The following MLF1 variants were observed in gnomAD, a reference collection of about 807,000 sequenced individuals.
The protein encoded by MLF1 is myelodysplasia-myeloid leukemia factor 1.
A neutral mutation model predicts 38.3 loss-of-function variants in MLF1; 37 were observed. The ratio of observed to expected loss-of-function variants is 0.96; its 90% CI spans 0.74 to 1.27. The LOEUF (loss-of-function observed/expected upper bound fraction) is 1.27, where lower values mean the gene tolerates loss of function less well. Ranked by LOEUF, MLF1 falls within the 50% of genes most tolerant of loss-of-function variation. MLF1 has a pLI of 0.00. For synonymous variants in MLF1, 95 were observed against 106.5 expected, an observed-to-expected ratio of 0.89 and a Z score of 0.66; for missense variants, 331 against 349.2, an observed-to-expected ratio of 0.95 and a Z score of 0.42.
rs532788683 is a variant in MLF1 at position 158,589,319 on chromosome 3, C to T, written c.48-3115C>T. 2.2e-3 allele frequency among the ~76,000 whole-genome samples: 328 copies of T among 152,082 alleles called. 1 individual carries two copies. The highest frequency in any genetic ancestry group is 3.3e-3 in the Admixed American group (51 of 15,282). ...CTCCACTTCCCGGGTTTAAGTGATT[C>T]TCCTGCCTCAGCCTCCAGAGTAGCT... On this transcript the variant is annotated intron_variant, in intron 1 of 7. Transcript: ENST00000466246.
At chr3:158,577,991 AT>A (rs1715710681) in intron 1 of MLF1, among the ~76,000 whole-genome samples, 5 of 152,176 alleles carry the variant, frequency 3.3e-5, no homozygotes, top group African/African-American at 4.8e-5. Context: ...TTCTTTAAAT[AT>A]TTCTTCAGTT....
chr3:158,593,367 A>T lies in MLF1; in HGVS notation c.196-15A>T, dbSNP rs748307447. 5.3e-5 allele frequency: 82 copies of T among 1,538,444 alleles called. 1 individual carries two copies. In the Admixed American group the frequency reaches 1.5e-3, roughly 29 times the overall value. On this transcript the variant is annotated splice_polypyrimidine_tract_variant and intron_variant, in intron 2 of 7. Coordinates refer to ENST00000466246, the MANE Select transcript of MLF1 (RefSeq NM_001369783.1). ...TAAATGTCATAATCAAATGAATTGG[A>T]TATTATTTTTCCAGGCAACGAGTTG...
At position 158,605,727 on chromosome 3, in the gene MLF1, G is replaced by A. The variant is rs1320591718; in HGVS notation, c.*525G>A. On this transcript the variant is annotated 3_prime_UTR_variant, in exon 8 of 8. Coordinates refer to ENST00000466246, the MANE Select transcript of MLF1 (RefSeq NM_001369783.1). The stretch of plus-strand genomic sequence containing the variant: ...CAAAACTACACTAGTACTCTTTTAT[G>A]AGAAAATAGTTACTATTTTGATAAA... 1.1e-5 allele frequency: 2 copies of A among 182,418 alleles called. No homozygotes were observed. Among genetic ancestry groups the A allele is most frequent in the Non-Finnish European group, 2.3e-5 (2 of 85,844 alleles). 11.3% of individuals were successfully genotyped at this position (182,418 alleles called of 1,614,324 possible).
In MLF1 at chr3:158,592,586, GTTC is replaced by G; in HGVS notation, c.195+8_195+10del. 6.3e-7 allele frequency: 1 copy of G among 1,585,986 alleles called. No homozygotes were observed. On this transcript the variant is annotated splice_donor_region_variant and intron_variant, in intron 2 of 7. Coordinates refer to ENST00000466246, the MANE Select transcript of MLF1 (RefSeq NM_001369783.1). The stretch of plus-strand genomic sequence containing the variant: ...GATGGTGAAGATTCTTTGACTGTAA[GTTC>G]TTTTTTTTAAGACAGTTAGTGAGAA...
chr3:158,602,617 T>C (rs558331633), intron 6 of MLF1, among the ~76,000 whole-genome samples, 190 bp from the exon 7 acceptor site: 3 of 152,278 alleles, frequency 2.0e-5, no homozygotes, highest in Non-Finnish European at 2.9e-5. Context: ...TCAGTAGGAA[T>C]AGGAGAGGAA....
At chr3:158,600,768 TAC>T (rs1283643964) in intron 6 of MLF1, among the ~76,000 whole-genome samples, 2 of 151,242 alleles carry the variant, frequency 1.3e-5, no homozygotes, top group African/African-American at 4.8e-5. Context: ...TGTTCAGTAG[TAC>T]TTAGGCTTTT....
rs139297822 is a variant in MLF1, at chr3:158,588,683, G to A, written c.48-3751G>A. Among the ~76,000 whole-genome samples, 8 of 151,432 alleles carry A rather than the reference G, an allele frequency of 5.3e-5. No homozygotes were observed. The East Asian group carries it at 1.6e-3, about 29-fold the overall frequency. ...GTTTTGTTGCTTTCATCTAAAGACA[G>A]GAAAATGAACTACAAATCTACAAAA... On this transcript the variant is annotated intron_variant, in intron 1 of 7. Transcript: ENST00000466246.
At position 158,602,871 on chromosome 3, in the gene MLF1, C is replaced by T. The variant is rs762836245; in HGVS notation, c.678C>T (p.His226=). 6.2e-7 allele frequency: 1 copy of T among 1,613,720 alleles called. No homozygotes were observed. The highest frequency in any genetic ancestry group is 1.7e-5 in the Admixed American group (1 of 60,012). ...SEVLKYKPGR[H]NLGNTRMRSV... is the part of the protein sequence containing the mutation. The stretch of plus-strand genomic sequence containing the variant: ...TTTTGAAGTACAAACCAGGACGACA[C>T]AATCTAGGAAACACTAGAATGAGAA... Residue 226 remains histidine (H), a synonymous_variant, in exon 7 of 8, where the codon CAC becomes CAT. Transcript: ENST00000466246.
At chr3:158,580,020 A>G (rs1225883275) in intron 1 of MLF1, among the ~76,000 whole-genome samples, 4 of 152,252 alleles carry the variant, frequency 2.6e-5, no homozygotes, top group Non-Finnish European at 2.9e-5. Context: ...CTGCAAAGGT[A>G]TAACGAATAC....
chr3:158,589,093 C>CT, intron 1 of MLF1, among the ~76,000 whole-genome samples: 1 of 152,168 alleles, frequency 6.6e-6, no homozygotes, highest in South Asian at 2.1e-4. Context: ...TGAGCAGAGC[C>CT]TTTAATTAAG....
At position 158,598,174 on chromosome 3, in the gene MLF1, A is replaced by G. The variant is rs1719174168; in HGVS notation, c.419A>G (p.Gln140Arg). 2 of 1,613,758 alleles carry G rather than the reference A, an allele frequency of 1.2e-6. No individual in the cohort carries two copies. Among genetic ancestry groups the G allele is most frequent in the Middle Eastern group, 3.3e-4 (2 of 6,084 alleles). The part of the protein sequence containing the change: ...KIGDEPPKVF[Q>R]ASTQTRRAPG... The stretch of plus-strand genomic sequence containing the variant: ...GGAGATGAACCGCCAAAGGTTTTTC[A>G]GGCCTCAACTCAAACTCGTCGAGCT... Residue 140 changes from glutamine (Q) to arginine (R), a missense_variant, in exon 5 of 8, where the codon CAG (glutamine) becomes CGG (arginine). Gln to Arg is a conservative substitution (Grantham distance 43, BLOSUM62 1). Transcript: ENST00000466246.
intron 1 of MLF1, among the ~76,000 whole-genome samples, chr3:158,589,697 T>C (rs1717842003): frequency 1.3e-5 from 2 of 152,214 alleles, no homozygotes; most frequent in Admixed American, 6.5e-5. Context: ...AATTACCACA[T>C]ATTTAGAGAC....
At chr3:158,586,177 AAG>A (rs981464121) in intron 1 of MLF1, among the ~76,000 whole-genome samples, 1 of 151,804 alleles carries the variant, frequency 6.6e-6, no homozygotes, top group African/African-American at 2.4e-5. Flanking sequence ...AAAAAAAAAA[AAG>A]AAAAGAAAAA....
At chr3:158,601,790 G>T (rs1345256857) in intron 6 of MLF1, among the ~76,000 whole-genome samples, 2 of 141,904 alleles carry the variant, frequency 1.4e-5, no homozygotes, top group Non-Finnish European at 3.0e-5. Context: ...TAACATTGGG[G>T]TTTGATAAAA....
At position 158,592,550 on chromosome 3, in the gene MLF1, G is replaced by A; in HGVS notation, c.164G>A (p.Arg55Lys). 6.2e-7 allele frequency: 1 copy of A among 1,611,720 alleles called. No homozygotes were observed. The highest frequency in any genetic ancestry group is 8.5e-7 in the Non-Finnish European group (1 of 1,179,406). The change falls in exon 2 of 8, where the codon AGA becomes AAA. Residue 55 changes from arginine to lysine, a missense_variant. Transcript: ENST00000466246. ...GGTAGAGGGAGAGCTCATAATCGTA[G>A]AGGACATAATGATGGTGAAGATTCT... ...SDGRGRAHNR[R>K]GHNDGEDSLT...
Position 158,602,844 on chromosome 3 carries a change from G to T in MLF1, c.651G>T (p.Glu217Asp), listed in dbSNP as rs757816819. ...CTTTTGATGAGGAGTGGCAAAGTGA[G>T]GTTTTGAAGTACAAACCAGGACGAC... ...AHAFDEEWQS[E>D]VLKYKPGRHN... The change falls in exon 7 of 8, where the codon GAG becomes GAT. Residue 217 changes from glutamate to aspartate, a missense_variant. Glu to Asp is a conservative substitution (Grantham distance 45, BLOSUM62 2). Coordinates refer to ENST00000466246, the MANE Select transcript of MLF1 (RefSeq NM_001369783.1). 6.2e-7 allele frequency: 1 copy of T among 1,613,562 alleles called. No individual in the cohort carries two copies. Among genetic ancestry groups the T allele is most frequent in the Non-Finnish European group, 8.5e-7 (1 of 1,179,808 alleles).
chr3:158,604,793 G>C (rs1428413654), intron 7 of MLF1, among the ~76,000 whole-genome samples: 1 of 152,020 alleles, frequency 6.6e-6, no homozygotes, highest in Non-Finnish European at 1.5e-5. Flanking sequence ...TGAGTAGCTG[G>C]GACTACAGGC....
In MLF1 at chr3:158,605,170, A is replaced by C; in HGVS notation, c.820A>C (p.Lys274Gln). The change falls in exon 8 of 8, where the codon AAA becomes CAA. Residue 274 changes from lysine to glutamine, a missense_variant. Coordinates refer to ENST00000466246, the MANE Select transcript of MLF1 (RefSeq NM_001369783.1). ...SNVLGDKLHI[K>Q]GSSVKSNKK is the part of the protein sequence containing the mutation. ...TGTTTTGGGGGACAAACTCCACATC[A>C]AAGGCTCATCTGTGAAAAGCAACAA... 1 of 1,613,804 alleles carries C rather than the reference A, an allele frequency of 6.2e-7. No homozygotes were observed. The highest frequency in any genetic ancestry group is 8.5e-7 in the Non-Finnish European group (1 of 1,179,860).
chr3:158,591,734 C>T (rs2108615558), intron 1 of MLF1, among the ~76,000 whole-genome samples: 1 of 151,446 alleles, frequency 6.6e-6, no homozygotes, highest in East Asian at 1.9e-4. Flanking sequence ...TGGGAAACCA[C>T]TGTGATAAGG....
Sources: allele counts gnomAD v4.1 joint callset (sites outside exome capture counted in the v4.1 genomes callset), GRCh38; gene constraint gnomAD v4.1.1; transcripts MANE v1.5; gene names NCBI Gene and HGNC (gene_info 2026-07-23, HGNC 2026-07-21).